The following PDGFC variants were observed in gnomAD, a reference collection of about 807,000 sequenced individuals.
The protein encoded by PDGFC is platelet derived growth factor C.
A neutral mutation model predicts 35.5 loss-of-function variants in PDGFC; 12 were observed. The observed-to-expected ratio is 0.34, with a 90% CI of 0.22 to 0.55. PDGFC has a LOEUF of 0.55. Among genes scored for constraint, PDGFC ranks in the 20% least tolerant of loss-of-function variants. The probability of loss-of-function intolerance (pLI) is 0.91; values close to 1 mark genes in which losing one functional copy is unlikely to be tolerated. For missense variants in PDGFC, 322 were observed against 412.4 expected, an observed-to-expected ratio of 0.78 and a Z score of 1.90; for synonymous variants, 159 against 148.8, an observed-to-expected ratio of 1.07 and a Z score of -0.50.
intron 2 of PDGFC, among the ~76,000 whole-genome samples, chr4:156,819,270 T>C (rs1732181219): frequency 6.6e-6 from 1 of 152,210 alleles, no homozygotes; most frequent in African/African-American, 2.4e-5. Context: ...AGATTTTCAG[T>C]GTAGATCAAA....
At chr4:156,944,726 A>G (rs1407604746) in intron 1 of PDGFC, among the ~76,000 whole-genome samples, 3 of 152,110 alleles carry the variant, frequency 2.0e-5, no homozygotes, top group South Asian at 2.1e-4. Flanking sequence ...TTTCAGAATA[A>G]ATCCAAAACC....
chr4:156,887,917 C>T (rs866705844), intron 1 of PDGFC, among the ~76,000 whole-genome samples: 5 of 150,734 alleles, frequency 3.3e-5, no homozygotes, highest in African/African-American at 9.8e-5. Flanking sequence ...GTGGGAGAAT[C>T]GCTTGAGCCC....
At chr4:156,851,882 G>C (rs554866970) in intron 1 of PDGFC, among the ~76,000 whole-genome samples, 1 of 132,150 alleles carries the variant, frequency 7.6e-6, no homozygotes, top group African/African-American at 2.8e-5. Flanking sequence ...AGTGAGGGGA[G>C]ATCCCGCCAC....
Position 156,824,285 on chromosome 4 carries a change from CATATATATATATATATATATATATATAT to C in PDGFC, c.315-13296_315-13269del, listed in dbSNP as rs58698115. Among the ~76,000 whole-genome samples, 67 of 92,774 alleles carry C rather than the reference CATATATATATATATATATATATATATAT, an allele frequency of 7.2e-4. No homozygotes were observed. The South Asian group carries it at 7.4e-3, about 10-fold the overall frequency. The allele number at this position is 92,774 out of a possible 152,430, so 60.9% of individuals were successfully genotyped here. A position where few individuals can be genotyped will look rare whatever the true frequency, so the allele number is the denominator to read the frequency against. On this transcript the variant is annotated intron_variant, in intron 2 of 5. Transcript: ENST00000502773. The stretch of plus-strand genomic sequence containing the variant: ...TTTAACCCGTCTAGAACAATGTAAG[CATATATATATATATATATATATATATAT>C]ATATATATATATATACACACACACA...
intron 1 of PDGFC, among the ~76,000 whole-genome samples, chr4:156,866,526 G>T (rs1030538633): frequency 3.0e-4 from 46 of 151,932 alleles, no homozygotes; most frequent in African/African-American, 1.1e-3. Flanking sequence ...TGGGTGGGGG[G>T]ACGTGTGTGG....
intron 2 of PDGFC, among the ~76,000 whole-genome samples, chr4:156,817,255 G>T (rs918694094): frequency 6.6e-6 from 1 of 151,962 alleles, no homozygotes; most frequent in Non-Finnish European, 1.5e-5. Flanking sequence ...AAAGACAAAA[G>T]CTGTAAGAGA....
chr4:156,939,009 C>T (rs549807949), intron 1 of PDGFC, among the ~76,000 whole-genome samples: 1 of 152,016 alleles, frequency 6.6e-6, no homozygotes, highest in African/African-American at 2.4e-5. Flanking sequence ...GAGGTCAAAA[C>T]CAGTACAGAA....
intron 1 of PDGFC, among the ~76,000 whole-genome samples, chr4:156,901,366 T>G (rs933043551): frequency 6.6e-6 from 1 of 151,982 alleles, no homozygotes. Flanking sequence ...CTAGAAAGCA[T>G]GTGAAGGATT....
chr4:156,918,950 A>G (rs1731212169), intron 1 of PDGFC, among the ~76,000 whole-genome samples: 2 of 152,332 alleles, frequency 1.3e-5, no homozygotes, highest in East Asian at 3.9e-4. Flanking sequence ...TTGTACTATA[A>G]TAAAGCTAAC....
At chr4:156,784,485 A>C (rs1479596696) in intron 3 of PDGFC, among the ~76,000 whole-genome samples, 3 of 152,220 alleles carry the variant, frequency 2.0e-5, no homozygotes, top group Admixed American at 2.0e-4. Context: ...GGAATAGAGA[A>C]GTTTCATCGA....
chr4:156,940,495 C>T (rs749926018), intron 1 of PDGFC, among the ~76,000 whole-genome samples: 1 of 151,996 alleles, frequency 6.6e-6, no homozygotes, highest in African/African-American at 2.4e-5. Flanking sequence ...GACTACCTTG[C>T]CATGGGAAAA....
chr4:156,807,500 C>T (rs1293155692), intron 3 of PDGFC, among the ~76,000 whole-genome samples: 2 of 151,848 alleles, frequency 1.3e-5, no homozygotes, highest in Non-Finnish European at 2.9e-5. Context: ...TTCAAATGAA[C>T]AAGTCATCTC....
chr4:156,938,236 A>G (rs957932637), intron 1 of PDGFC, among the ~76,000 whole-genome samples: 1 of 152,184 alleles, frequency 6.6e-6, no homozygotes, highest in Non-Finnish European at 1.5e-5. Context: ...AGAAATATAG[A>G]GATATGTAAA....
rs970873917 is a variant in PDGFC, at chr4:156,902,577, C to G, written c.119-52161G>C. 4.6e-5 allele frequency among the ~76,000 whole-genome samples: 7 copies of G among 152,244 alleles called. No individual in the cohort carries two copies. In the East Asian group the frequency reaches 1.4e-3, roughly 29 times the overall value. Reference sequence around the variant, plus strand: ...AACTATAAGAATCACATGCAATTAACTTTTTAATAACTTTAATATTATGTT... The same window carrying G: ...AACTATAAGAATCACATGCAATTAAGTTTTTAATAACTTTAATATTATGTT... On this transcript the variant is annotated intron_variant, in intron 1 of 5. Coordinates refer to ENST00000502773, the MANE Select transcript of PDGFC (RefSeq NM_016205.3).
intron 1 of PDGFC, among the ~76,000 whole-genome samples, chr4:156,884,056 T>G (rs114961382): frequency 3.3e-5 from 5 of 152,250 alleles, no homozygotes; most frequent in Middle Eastern, 3.4e-3. Context: ...GCAACTATTC[T>G]TCTCTGGATC....
chr4:156,790,559 T>A (rs539155812), intron 3 of PDGFC, among the ~76,000 whole-genome samples: 111 of 152,318 alleles, frequency 7.3e-4, no homozygotes, highest in Middle Eastern at 3.4e-3. Flanking sequence ...TTGGATAGAA[T>A]AAACATGTTT....
chr4:156,867,636 T>C (rs1349080413), intron 1 of PDGFC, among the ~76,000 whole-genome samples: 1 of 152,068 alleles, frequency 6.6e-6, no homozygotes, highest in Non-Finnish European at 1.5e-5. Flanking sequence ...TAGAAAAAGA[T>C]TAGAGAATTG....
At chr4:156,785,496 G>A (rs1354426345) in intron 3 of PDGFC, among the ~76,000 whole-genome samples, 1 of 152,154 alleles carries the variant, frequency 6.6e-6, no homozygotes, top group Non-Finnish European at 1.5e-5. Flanking sequence ...TTACGGATGT[G>A]AGCCACTGTG....
At chr4:156,965,158 T>C (rs1427379930) in intron 1 of PDGFC, among the ~76,000 whole-genome samples, 1 of 152,184 alleles carries the variant, frequency 6.6e-6, no homozygotes, top group African/African-American at 2.4e-5. Context: ...GCTATCTTCC[T>C]ATTTAAGAAG....
Sources: allele counts gnomAD v4.1 joint callset (sites outside exome capture counted in the v4.1 genomes callset), GRCh38; gene constraint gnomAD v4.1.1; transcripts MANE v1.5; gene names NCBI Gene and HGNC (gene_info 2026-07-23, HGNC 2026-07-21).